RNF144A: variants seen among roughly 807,000 people sequenced by gnomAD.
The protein encoded by RNF144A is ring finger protein 144A, also known as E3 ubiquitin-protein ligase RNF144A.
A neutral mutation model predicts 38.7 loss-of-function variants in RNF144A; 11 were observed. The ratio of observed to expected loss-of-function variants is 0.28; its 90% CI spans 0.18 to 0.47. The LOEUF (loss-of-function observed/expected upper bound fraction) is 0.47, where lower values mean the gene tolerates loss of function less well. RNF144A is among the 20% of genes least tolerant of loss of function. The pLI, the probability that RNF144A is intolerant of heterozygous loss-of-function variation, is 0.99. For missense variants in RNF144A, 316 were observed against 377.2 expected, an observed-to-expected ratio of 0.84 and a Z score of 1.34; for synonymous variants, 149 against 143.9, an observed-to-expected ratio of 1.04 and a Z score of -0.25.
intron 2 of RNF144A, among the ~76,000 whole-genome samples, chr2:6,992,475 G>A (rs988665449): frequency 3.3e-5 from 5 of 152,206 alleles, no homozygotes; most frequent in East Asian, 1.9e-4. Context: ...CTGATGCTGG[G>A]TGTGAAGGGT....
intron 1 of RNF144A, among the ~76,000 whole-genome samples, chr2:6,926,158 A>G (rs1019373352): frequency 6.6e-6 from 1 of 152,188 alleles, no homozygotes; most frequent in Admixed American, 6.5e-5. Flanking sequence ...TTGCCCCATC[A>G]TGCAAAAGGG....
At chr2:6,995,612 T>C (rs1167000947) in intron 2 of RNF144A, among the ~76,000 whole-genome samples, 1 of 152,158 alleles carries the variant, frequency 6.6e-6, no homozygotes, top group African/African-American at 2.4e-5. Flanking sequence ...AGTCCGATGT[T>C]CGAGGGCAGA....
intron 2 of RNF144A, among the ~76,000 whole-genome samples, chr2:6,955,267 C>T (rs1666930113): frequency 6.6e-6 from 1 of 152,072 alleles, no homozygotes; most frequent in African/African-American, 2.4e-5. Flanking sequence ...CTTATGGAAG[C>T]CTAATGTCTG....
At chr2:6,987,804 T>C (rs188180107) in intron 2 of RNF144A, among the ~76,000 whole-genome samples, 1 of 152,348 alleles carries the variant, frequency 6.6e-6, no homozygotes, top group East Asian at 1.9e-4. Flanking sequence ...TCTGTACTCC[T>C]GCAAAATCTT....
At chr2:6,985,820 G>A (rs1668921016) in intron 2 of RNF144A, among the ~76,000 whole-genome samples, 2 of 152,090 alleles carry the variant, frequency 1.3e-5, no homozygotes, top group Admixed American at 6.5e-5. Flanking sequence ...CTGCACGTGC[G>A]CACCATCGCA....
intron 2 of RNF144A, among the ~76,000 whole-genome samples, chr2:6,953,911 GTTAT>G (rs1171107633): frequency 6.6e-6 from 1 of 152,034 alleles, no homozygotes; most frequent in Admixed American, 6.6e-5. Context: ...ATATTTTGAA[GTTAT>G]TTGTTGTATA....
chr2:7,049,995 C>T (rs542663749), intron 6 of RNF144A, among the ~76,000 whole-genome samples: 25 of 152,252 alleles, frequency 1.6e-4, no homozygotes, highest in African/African-American at 5.8e-4. Flanking sequence ...CTTTTTCAGT[C>T]GAAAATGCAT....
rs889402386 is a variant in RNF144A, at chr2:7,041,597, G to A, written c.*1837G>A. 1.9e-5 allele frequency: 19 copies of A among 985,778 alleles called. No individual in the cohort carries two copies. In the Admixed American group the frequency reaches 8.6e-4, roughly 45 times the overall value. 61.1% of individuals were successfully genotyped at this position (985,778 alleles called of 1,614,324 possible). A position where few individuals can be genotyped will look rare whatever the true frequency, so the allele number is the denominator to read the frequency against. ...AGAATAGCTTTTCTGGAGGTGGGTG[G>A]CAACTCCACGCGGGAGTCATTGGCT... On this transcript the variant is annotated 3_prime_UTR_variant, in exon 9 of 9. Transcript: ENST00000320892.
intron 2 of RNF144A, among the ~76,000 whole-genome samples, chr2:6,978,193 C>T (rs1049501116): frequency 1.3e-5 from 2 of 152,146 alleles, no homozygotes; most frequent in African/African-American, 4.8e-5. Flanking sequence ...AAGCTCCTAA[C>T]AGGACTTTAT....
intron 2 of RNF144A, among the ~76,000 whole-genome samples, chr2:6,987,885 G>A (rs1669056329): frequency 6.6e-6 from 1 of 152,170 alleles, no homozygotes; most frequent in African/African-American, 2.4e-5. Context: ...TTCTTACGAA[G>A]CTTTAATGCT....
In RNF144A at chr2:7,040,957, T is replaced by C. The variant is rs184926299; in HGVS notation, c.*1197T>C. On this transcript the variant is annotated 3_prime_UTR_variant, in exon 9 of 9. Transcript: ENST00000320892. ...TCTTTTACAGGGCTGTCTGTGACCATTTCCATGGCAGCAGGATGCAGGGAT... is the reference window on the plus strand; with the variant it reads ...TCTTTTACAGGGCTGTCTGTGACCACTTCCATGGCAGCAGGATGCAGGGAT... 187 of 985,448 alleles carry C rather than the reference T, an allele frequency of 1.9e-4. No individual in the cohort carries two copies. The African/African-American group carries it at 3.0e-3, about 16-fold the overall frequency. The allele number at this position is 985,448 out of a possible 1,614,324, so 61.0% of individuals were successfully genotyped here.
intron 2 of RNF144A, among the ~76,000 whole-genome samples, chr2:6,978,458 A>T (rs929868088): frequency 2.0e-5 from 3 of 152,174 alleles, no homozygotes; most frequent in Admixed American, 2.0e-4. Flanking sequence ...TAAAGGTTCC[A>T]GGGGTAAAAA....
intron 6 of RNF144A, among the ~76,000 whole-genome samples, chr2:7,067,605 C>T (rs1420211014): frequency 6.6e-6 from 1 of 152,160 alleles, no homozygotes; most frequent in Admixed American, 6.5e-5. Flanking sequence ...CAAGTCCCAA[C>T]AGGTGACTCA....
chr2:6,980,774 G>A (rs1459864959), intron 2 of RNF144A, among the ~76,000 whole-genome samples: 10 of 152,216 alleles, frequency 6.6e-5, no homozygotes, highest in African/African-American at 2.2e-4. Flanking sequence ...GACTCAGTGT[G>A]GGGGCTCTAA....
chr2:7,023,363 C>T (rs988811416), intron 6 of RNF144A, among the ~76,000 whole-genome samples: 1 of 152,150 alleles, frequency 6.6e-6, no homozygotes, highest in Non-Finnish European at 1.5e-5. Flanking sequence ...AGCCAGAATG[C>T]ACTCAAAAAG....
At chr2:7,052,938 G>A (rs887548985) in intron 6 of RNF144A, among the ~76,000 whole-genome samples, 4 of 152,020 alleles carry the variant, frequency 2.6e-5, no homozygotes, top group Non-Finnish European at 5.9e-5. Flanking sequence ...TTCATCATTT[G>A]TCTTCTTTCT....
Position 6,972,052 on chromosome 2 carries a change from C to G in RNF144A, c.-11-24864C>G, listed in dbSNP as rs545011971. ...CCTGGGGAGGAATTACTGTCTCCCC[C>G]CAGGGTTCCGATCCAGCCCACAAAC... On this transcript the variant is annotated intron_variant, in intron 2 of 8. Coordinates refer to ENST00000320892, the MANE Select transcript of RNF144A (RefSeq NM_014746.6). Among the ~76,000 whole-genome samples the G allele has an allele frequency of 1.1e-3, 168 of 152,192 alleles. 2 individuals are homozygous for G. The highest frequency in any genetic ancestry group is 3.9e-3 in the African/African-American group (160 of 41,516).
chr2:6,982,275 G>T (rs1205104205), intron 2 of RNF144A, among the ~76,000 whole-genome samples: 1 of 152,200 alleles, frequency 6.6e-6, no homozygotes, highest in Non-Finnish European at 1.5e-5. Context: ...TAAGTGTGTT[G>T]CAATGTGCTG....
At chr2:7,063,527 G>T (rs1227567450) in intron 6 of RNF144A, among the ~76,000 whole-genome samples, 1 of 152,164 alleles carries the variant, frequency 6.6e-6, no homozygotes, top group Non-Finnish European at 1.5e-5. Flanking sequence ...CTTAATTTTA[G>T]AGCCGTTGTG....
Sources: gnomAD v4.1 joint callset for allele counts (sites outside exome capture counted in the v4.1 genomes callset) on GRCh38, gnomAD v4.1.1 for gene constraint, MANE v1.5 for transcripts, NCBI Gene and HGNC (gene_info 2026-07-23, HGNC 2026-07-21) for gene names.